Variants in MRRF observed in about 807,000 individuals in gnomAD.
The protein encoded by MRRF is mitochondrial ribosome recycling factor, also known as ribosome-recycling factor, mitochondrial.
A neutral mutation model predicts 25.1 loss-of-function variants in MRRF; 18 were observed. The observed-to-expected ratio is 0.72, with a 90% CI of 0.50 to 1.06. MRRF has a LOEUF of 1.06. MRRF is among the 50% of genes least tolerant of loss of function. MRRF has a pLI of 0.00. For missense variants in MRRF, 323 were observed against 319.3 expected, an observed-to-expected ratio of 1.01 and a Z score of -0.09; for synonymous variants, 113 against 112.1, an observed-to-expected ratio of 1.01 and a Z score of -0.05.
In MRRF at chr9:122,326,863, A is replaced by G. The variant is rs1836157826; in HGVS notation, c.*4246A>G. On this transcript the variant is annotated 3_prime_UTR_variant, in exon 7 of 7. Coordinates refer to ENST00000344641, the MANE Select transcript of MRRF (RefSeq NM_138777.5). ...GTTTTTCTGTGAAAAAAACAGGTTCAGAAAGGATATTTAACTTGCCCAAGG... is the reference window on the plus strand; with the variant it reads ...GTTTTTCTGTGAAAAAAACAGGTTCGGAAAGGATATTTAACTTGCCCAAGG... The G allele has an allele frequency of 6.6e-6, 1 of 152,206 alleles. No individual in the cohort carries two copies. Among genetic ancestry groups the G allele is most frequent in the African/African-American group, 2.4e-5 (1 of 41,454 alleles). The allele number at this position is 152,206 out of a possible 1,614,324, so 9.4% of individuals were successfully genotyped here. A position where few individuals can be genotyped will look rare whatever the true frequency, so the allele number is the denominator to read the frequency against.
chr9:122,330,410 G>T lies in MRRF; in HGVS notation c.*7793G>T, dbSNP rs1187206187. On this transcript the variant is annotated 3_prime_UTR_variant, in exon 7 of 7. Transcript: ENST00000344641. This position sits in a 1 kb window ranked among gnomAD's most constrained non-coding sequence, Gnocchi z 4.2. ...GACCGAGGCTCACAGCTTGCCTAGG[G>T]GAGGGCAGGGCAAAAGTCCCTGCTA... 1 of 152,258 alleles carries T rather than the reference G, an allele frequency of 6.6e-6. No homozygotes were observed. The highest frequency in any genetic ancestry group is 1.5e-5 in the Non-Finnish European group (1 of 68,094). 9.4% of individuals were successfully genotyped at this position (152,258 alleles called of 1,614,324 possible).
chr9:122,289,291 T>G (rs1833604336), intron 4 of MRRF, among the ~76,000 whole-genome samples: 1 of 152,196 alleles, frequency 6.6e-6, no homozygotes, highest in Admixed American at 6.5e-5. Flanking sequence ...CACTAATATA[T>G]TCAATCAACA....
intron 1 of MRRF, 98 bp downstream of exon 1, chr9:122,265,036 C>G (rs1831968891): frequency 6.6e-6 from 1 of 151,752 alleles, no homozygotes; most frequent in Non-Finnish European, 1.5e-5. Context: ...ACCAGACTAC[C>G]GTCCCCGACC....
chr9:122,318,168 T>A (rs1392741526), intron 6 of MRRF, among the ~76,000 whole-genome samples: 1 of 152,044 alleles, frequency 6.6e-6, no homozygotes, highest in Non-Finnish European at 1.5e-5. Flanking sequence ...ATGATTCATT[T>A]GTAGGTTCTA....
chr9:122,268,712 G>T (rs1832269102), intron 1 of MRRF, among the ~76,000 whole-genome samples: 1 of 152,124 alleles, frequency 6.6e-6, no homozygotes, highest in Admixed American at 6.5e-5. Flanking sequence ...ATTAATAGTA[G>T]CTATTGATAC....
intron 4 of MRRF, 67 bp downstream of exon 4, chr9:122,285,354 A>C (rs1301727919): frequency 3.2e-6 from 3 of 929,564 alleles, no homozygotes; most frequent in Non-Finnish European, 5.4e-6. Context: ...GGGTCATATC[A>C]GGAGGAAGTG....
intron 6 of MRRF, among the ~76,000 whole-genome samples, chr9:122,320,067 G>A (rs149800812): frequency 6.6e-6 from 1 of 151,654 alleles, no homozygotes; most frequent in Admixed American, 6.6e-5. Flanking sequence ...TAGAGATGGG[G>A]TTTCCCCATG....
At chr9:122,297,063 C>G (rs986167366) in intron 5 of MRRF, among the ~76,000 whole-genome samples, 5 of 152,048 alleles carry the variant, frequency 3.3e-5, no homozygotes, top group Non-Finnish European at 7.4e-5. Flanking sequence ...ACCTGTAATC[C>G]CAGCACTTTG....
intron 5 of MRRF, among the ~76,000 whole-genome samples, chr9:122,301,677 G>A (rs184464590): frequency 6.6e-6 from 1 of 151,984 alleles, no homozygotes; most frequent in African/African-American, 2.4e-5. Flanking sequence ...TTTTTAAGTT[G>A]TCATGATCAG....
intron 3 of MRRF, 94 bp from the exon 4 acceptor site, chr9:122,285,075 C>T (rs1833302955): frequency 1.3e-6 from 1 of 792,442 alleles, no homozygotes; most frequent in African/African-American, 1.7e-5. Flanking sequence ...AGGCATGAGC[C>T]ACTGCATCCA....
In MRRF at chr9:122,280,570, T is replaced by C. The variant is rs1207589047; in HGVS notation, c.312T>C (p.Asn104=). 3 of 1,614,030 alleles carry C rather than the reference T, an allele frequency of 1.9e-6. No individual in the cohort carries two copies. The East Asian group carries it at 6.7e-5, about 36-fold the overall frequency. Residue 104 remains asparagine (N), a synonymous_variant, in exon 3 of 7, where the codon AAT becomes AAC. Transcript: ENST00000344641. Reference sequence around the variant, plus strand: ...TAGAAGCTCTCAAGGATAATTTCAATAAGACTCTCAATATAAGGACCTCAC... The same window carrying C: ...TAGAAGCTCTCAAGGATAATTTCAACAAGACTCTCAATATAAGGACCTCAC... ...SVIEALKDNF[N]KTLNIRTSPG... is the part of the protein sequence containing the mutation.
chr9:122,309,084 G>T (rs895908160), intron 5 of MRRF, among the ~76,000 whole-genome samples: 1 of 151,920 alleles, frequency 6.6e-6, no homozygotes, highest in Admixed American at 6.6e-5. Context: ...TCTACTTTCC[G>T]TCTCTATGAA....
Position 122,302,935 on chromosome 9 carries a change from A to G in MRRF, c.552-10292A>G, listed in dbSNP as rs114494625. 7.7e-3 allele frequency among the ~76,000 whole-genome samples: 1,173 copies of G among 152,048 alleles called. 9 individuals carry two copies. Among genetic ancestry groups the G allele is most frequent in the African/African-American group, 0.027 (1,121 of 41,474 alleles). On this transcript the variant is annotated intron_variant, in intron 5 of 6. Coordinates refer to ENST00000344641, the MANE Select transcript of MRRF (RefSeq NM_138777.5). ...GTATCTTATTACGGTTTTGATTTGCATTTTCCTGATGACTGATGGTGCTAA... is the reference window on the plus strand; with the variant it reads ...GTATCTTATTACGGTTTTGATTTGCGTTTTCCTGATGACTGATGGTGCTAA...
chr9:122,311,542 A>G (rs1835206464), intron 5 of MRRF, among the ~76,000 whole-genome samples: 1 of 152,240 alleles, frequency 6.6e-6, no homozygotes, highest in South Asian at 2.1e-4. Context: ...TATTAAGGCC[A>G]AATTACCTAT....
chr9:122,312,599 C>T (rs1835274587), intron 5 of MRRF, among the ~76,000 whole-genome samples: 1 of 152,154 alleles, frequency 6.6e-6, no homozygotes, highest in Non-Finnish European at 1.5e-5. Flanking sequence ...ACCCAGGGGG[C>T]AGAGGAATGC....
At chr9:122,311,601 T>A (rs1030250753) in intron 5 of MRRF, among the ~76,000 whole-genome samples, 1 of 152,228 alleles carries the variant, frequency 6.6e-6, no homozygotes, top group Non-Finnish European at 1.5e-5. Context: ...AAGATTTTTT[T>A]GAGTCTCATT....
At chr9:122,280,718 GC>G in intron 3 of MRRF, 120 bp downstream of exon 3, 1 of 888,738 alleles carries the variant, frequency 1.1e-6, no homozygotes, top group South Asian at 1.4e-5. Flanking sequence ...CAGTTACTTT[GC>G]TTTTCTGGTC....
At chr9:122,300,434 T>G (rs995963697) in intron 5 of MRRF, among the ~76,000 whole-genome samples, 25 of 152,294 alleles carry the variant, frequency 1.6e-4, no homozygotes, top group Admixed American at 4.6e-4. Context: ...TGGAGTAGTA[T>G]TTATGGTTTT....
chr9:122,273,948 G>C (rs1407125484), intron 2 of MRRF, among the ~76,000 whole-genome samples: 4 of 152,052 alleles, frequency 2.6e-5, no homozygotes, highest in African/African-American at 4.8e-5. Context: ...AGACATTTGG[G>C]TTGTTTCCAG....
Sources: gnomAD v4.1 joint callset for allele counts (sites outside exome capture counted in the v4.1 genomes callset) on GRCh38, gnomAD v4.1.1 for gene constraint, Gnocchi (gnomAD v3.1) non-coding constraint, MANE v1.5 for transcripts, NCBI Gene and HGNC (gene_info 2026-07-23, HGNC 2026-07-21) for gene names.